FIRRM: variants seen among roughly 807,000 people sequenced by gnomAD.
FIRRM encodes the protein FIGNL1 interacting regulator of recombination and mitosis, also known as FIGNL1-interacting regulator of recombination and mitosis.
chr1:169,836,900 T>C, the FIRRM span: 7 of 1,576,494 alleles, frequency 4.4e-6, no homozygotes, highest in Non-Finnish European at 6.0e-6. Flanking sequence ...CTCATGTTAC[T>C]CTTCTTTCTT....
chr1:169,840,357 A>G, the FIRRM span, among the ~76,000 whole-genome samples: 15 of 152,214 alleles, frequency 9.9e-5, no homozygotes, highest in African/African-American at 3.6e-4. Flanking sequence ...ATCTATGAGC[A>G]TGGAATGTTT....
the FIRRM span, among the ~76,000 whole-genome samples, chr1:169,789,688 G>T: frequency 2.0e-5 from 3 of 152,194 alleles, no homozygotes; most frequent in Non-Finnish European, 4.4e-5. Context: ...GGAGTAGGGA[G>T]GGGAATGGGA....
chr1:169,814,515 C>G, the FIRRM span, among the ~76,000 whole-genome samples: 5 of 152,134 alleles, frequency 3.3e-5, no homozygotes, highest in Admixed American at 3.3e-4. Context: ...GTTTGTCTCT[C>G]CAGTAAGTAA....
chr1:169,816,903 C>T, the FIRRM span, among the ~76,000 whole-genome samples: 1 of 152,136 alleles, frequency 6.6e-6, no homozygotes, highest in East Asian at 1.9e-4. Flanking sequence ...ATTCGTATTG[C>T]ACTTATGCAA....
chr1:169,810,282 T>C, the FIRRM span, among the ~76,000 whole-genome samples: 1 of 152,236 alleles, frequency 6.6e-6, no homozygotes, highest in African/African-American at 2.4e-5. Flanking sequence ...GTAGATTTAA[T>C]TAATATTACA....
chr1:169,798,834 A>G, the FIRRM span: 2 of 800,628 alleles, frequency 2.5e-6, no homozygotes, highest in South Asian at 4.1e-5. Context: ...TTAAATTTCA[A>G]AAGGGTTTTA....
the FIRRM span, chr1:169,783,881 G>A: frequency 2.6e-5 from 4 of 152,242 alleles, no homozygotes; most frequent in African/African-American, 4.8e-5. Context: ...GAACTTCCAG[G>A]CTCAAGCAAT....
the FIRRM span, among the ~76,000 whole-genome samples, chr1:169,838,529 GC>G: frequency 1.3e-5 from 2 of 151,694 alleles, no homozygotes; most frequent in Non-Finnish European, 2.9e-5. Flanking sequence ...TCGCTCTGTT[GC>G]CCAGGCTAGA....
the FIRRM span, among the ~76,000 whole-genome samples, chr1:169,818,637 C>G: frequency 6.6e-6 from 1 of 152,130 alleles, no homozygotes; most frequent in Non-Finnish European, 1.5e-5. Flanking sequence ...TATAAATATA[C>G]AGAAGAAGAG....
chr1:169,795,682 G>T, the FIRRM span: 1 of 987,174 alleles, frequency 1.0e-6, no homozygotes, highest in Non-Finnish European at 1.2e-6. Context: ...CTTTCTTAGC[G>T]TTATAAGAAT....
the FIRRM span, chr1:169,843,868 CTCT>C: frequency 1.4e-6 from 1 of 703,342 alleles, no homozygotes; most frequent in Admixed American, 2.3e-5. Flanking sequence ...TTTAAACCTC[CTCT>C]TGTTGTGTCA....
chr1:169,852,518 C>T, the FIRRM span: 3 of 461,132 alleles, frequency 6.5e-6, no homozygotes, highest in African/African-American at 2.0e-5. Flanking sequence ...GACTATGCAG[C>T]ACTTCTCATT....
the FIRRM span, among the ~76,000 whole-genome samples, chr1:169,811,689 TAGAC>T: frequency 8.3e-5 from 12 of 145,380 alleles, no homozygotes; most frequent in East Asian, 2.0e-4. Flanking sequence ...AAATAGATAA[TAGAC>T]AGATTATCTA....
At chr1:169,802,882 G>A in the FIRRM span, among the ~76,000 whole-genome samples, 1 of 148,608 alleles carries the variant, frequency 6.7e-6, no homozygotes, top group Non-Finnish European at 1.5e-5. Context: ...CATGAATTCT[G>A]AATAATAAAC....
the FIRRM span, among the ~76,000 whole-genome samples, chr1:169,784,365 G>A: frequency 6.6e-6 from 1 of 152,152 alleles, no homozygotes; most frequent in East Asian, 1.9e-4. Context: ...AAGTTCACAA[G>A]TATTGTGTGA....
the FIRRM span, chr1:169,803,064 CTG>C: frequency 1.0e-6 from 1 of 966,382 alleles, no homozygotes; most frequent in East Asian, 2.6e-5. Context: ...GAGGAAGAGA[CTG>C]TGTTTTGTTC....
At chr1:169,850,114 T>G in the FIRRM span, 1 of 602,414 alleles carries the variant, frequency 1.7e-6, no homozygotes, top group South Asian at 2.1e-5. Flanking sequence ...TTAGGGACCC[T>G]GAAGGAATCA....
the FIRRM span, among the ~76,000 whole-genome samples, chr1:169,814,048 CA>C: frequency 6.6e-6 from 1 of 152,250 alleles, no homozygotes; most frequent in Non-Finnish European, 1.5e-5. Context: ...TTTTACTTAA[CA>C]GTTTATCCTT....
chr1:169,852,884 C>T, the FIRRM span: 4 of 1,614,114 alleles, frequency 2.5e-6, no homozygotes, highest in African/African-American at 1.3e-5. Context: ...GCAACTGAGT[C>T]ACTACTCCAA....
Sources: gnomAD v4.1 joint callset for allele counts (sites outside exome capture counted in the v4.1 genomes callset) on GRCh38, gnomAD v4.1.1 for gene constraint, MANE v1.5 for transcripts, NCBI Gene and HGNC (gene_info 2026-07-23, HGNC 2026-07-21) for gene names.